The following CERKL variants were observed in gnomAD, a reference collection of about 807,000 sequenced individuals.
CERKL encodes the protein ceramide kinase-like protein.
A neutral mutation model predicts 63.4 loss-of-function variants in CERKL; 61 were observed. The ratio of observed to expected loss-of-function variants is 0.96; its 90% CI spans 0.78 to 1.19. CERKL has a LOEUF of 1.19. Ranked by LOEUF, CERKL falls within the 50% of genes most tolerant of loss-of-function variation. CERKL has a pLI of 0.00. For synonymous variants in CERKL, 250 were observed against 230.5 expected, an observed-to-expected ratio of 1.08 and a Z score of -0.77; for missense variants, 675 against 655.5, an observed-to-expected ratio of 1.03 and a Z score of -0.33.
Position 181,537,396 on chromosome 2 carries a change from C to A in CERKL, c.*788G>T, listed in dbSNP as rs1246182055. 9 of 453,838 alleles carry A rather than the reference C, an allele frequency of 2.0e-5. No homozygotes were observed. In the East Asian group the frequency reaches 6.2e-4, roughly 32 times the overall value. 28.1% of individuals were successfully genotyped at this position (453,838 alleles called of 1,614,324 possible). ...ATTACATATTGGGCTAGATTTTGCC[C>A]AGTTCAAAATAGTATTTGTTATCAA... On this transcript the variant is annotated 3_prime_UTR_variant, in exon 13 of 13. Transcript: ENST00000410087.
chr2:181,569,400 G>A (rs1688805079), intron 3 of CERKL, among the ~76,000 whole-genome samples: 2 of 152,146 alleles, frequency 1.3e-5, no homozygotes, highest in South Asian at 4.1e-4. Flanking sequence ...TTTCTGCTGG[G>A]TGAGATTTAG....
rs762710416 is a variant in CERKL, at chr2:181,573,773, C to T, written c.593G>A (p.Gly198Glu). The T allele has an allele frequency of 8.1e-6, 13 of 1,611,996 alleles. No homozygotes were observed. The Middle Eastern group carries it at 1.5e-3, about 185-fold the overall frequency. The change falls in exon 3 of 13, where the codon GGA (glycine) becomes GAA (glutamate). Residue 198 changes from glycine (G) to glutamate (E), a missense_variant. By Grantham distance (98) the Gly-to-Glu change is moderately conservative (BLOSUM62 -2). Coordinates refer to ENST00000410087, the MANE Select transcript of CERKL (RefSeq NM_201548.5). ...EKVEPLLKLA[G>E]IKTDVTIMEY... ...CTTACTTGTTACATCAGTTTTTATTCCTGCAAGCTTCAACAGAGGTTCAAC... is the reference window on the plus strand; with the variant it reads ...CTTACTTGTTACATCAGTTTTTATTTCTGCAAGCTTCAACAGAGGTTCAAC...
intron 2 of CERKL, among the ~76,000 whole-genome samples, chr2:181,579,931 T>G (rs1684427769): frequency 6.6e-6 from 1 of 151,908 alleles, no homozygotes. Context: ...CCATCTGAGA[T>G]CCACTGATCT....
At chr2:181,594,343 T>C (rs1396925448) in intron 2 of CERKL, among the ~76,000 whole-genome samples, 1 of 151,782 alleles carries the variant, frequency 6.6e-6, no homozygotes, top group African/African-American at 2.4e-5. Context: ...GCCAGGAACA[T>C]ATAAAAGAGT....
At chr2:181,578,221 T>C (rs35021522) in intron 2 of CERKL, among the ~76,000 whole-genome samples, 56,049 of 151,476 alleles carry the variant, frequency 0.37, 10,669 homozygotes, top group African/African-American at 0.44. Flanking sequence ...CACATATATA[T>C]ACACACACAC....
In CERKL at chr2:181,656,899, C is replaced by T. The variant is rs912235455; in HGVS notation, c.108G>A (p.Pro36=). The T allele has an allele frequency of 3.7e-6, 6 of 1,604,548 alleles. No homozygotes were observed. The East Asian group carries it at 1.1e-4, about 30-fold the overall frequency. ...GCTCGGCCGCCGCCTCCGTCTGCTGCGGGGACGTTAACAGCGCCGGAGGCA... is the reference window on the plus strand; with the variant it reads ...GCTCGGCCGCCGCCTCCGTCTGCTGTGGGGACGTTAACAGCGCCGGAGGCA... The part of the protein sequence containing the change: ...AAVPPALLTS[P]QQTEAAAERI... Residue 36 remains proline, a synonymous_variant, in exon 1 of 13, where the codon CCG becomes CCA. Transcript: ENST00000410087.
intron 1 of CERKL, among the ~76,000 whole-genome samples, chr2:181,622,093 A>C (rs2105918751): frequency 6.6e-6 from 1 of 152,336 alleles, no homozygotes; most frequent in Non-Finnish European, 1.5e-5. Flanking sequence ...TCTGGCTTCT[A>C]AATAGGTTCT....
At chr2:181,587,842 T>C (rs946916415) in intron 2 of CERKL, among the ~76,000 whole-genome samples, 11 of 152,228 alleles carry the variant, frequency 7.2e-5, no homozygotes, top group African/African-American at 2.2e-4. Context: ...AGTAATTAGG[T>C]GTGGCTTTTA....
At chr2:181,561,544 C>A (rs1316009778) in intron 4 of CERKL, among the ~76,000 whole-genome samples, 3 of 151,920 alleles carry the variant, frequency 2.0e-5, no homozygotes, top group African/African-American at 7.3e-5. Context: ...GTATTTTATC[C>A]CAAAATGTAT....
intron 1 of CERKL, among the ~76,000 whole-genome samples, chr2:181,627,549 G>C (rs1010489457): frequency 6.6e-6 from 1 of 152,164 alleles, no homozygotes; most frequent in Admixed American, 6.5e-5. Flanking sequence ...ACTTTTAGGT[G>C]TCCTAGTCAC....
At position 181,536,954 on chromosome 2, in the gene CERKL, A is replaced by C. The variant is rs2105779613; in HGVS notation, c.*1230T>G. The C allele has an allele frequency of 2.2e-6, 1 of 453,196 alleles. No individual in the cohort carries two copies. The highest frequency in any genetic ancestry group is 2.4e-5 in the Admixed American group (1 of 42,402). The allele number at this position is 453,196 out of a possible 1,614,324, so 28.1% of individuals were successfully genotyped here. On this transcript the variant is annotated 3_prime_UTR_variant, in exon 13 of 13. Transcript: ENST00000410087. Reference sequence around the variant, plus strand: ...GATTTCTTTATATGAAGTCCCTGCCACTAGCCAGCCATCCTAATTGATGAA... The same window carrying C: ...GATTTCTTTATATGAAGTCCCTGCCCCTAGCCAGCCATCCTAATTGATGAA...
intron 1 of CERKL, among the ~76,000 whole-genome samples, chr2:181,636,255 C>T (rs1394883343): frequency 2.6e-5 from 4 of 152,148 alleles, no homozygotes; most frequent in Non-Finnish European, 5.9e-5. Context: ...TATCCCACTG[C>T]CCAAGCTAGA....
At chr2:181,631,952 G>A (rs1686981060) in intron 1 of CERKL, among the ~76,000 whole-genome samples, 1 of 152,084 alleles carries the variant, frequency 6.6e-6, no homozygotes, top group Non-Finnish European at 1.5e-5. Context: ...TCTGAAAGAA[G>A]AAAATATATA....
At chr2:181,605,998 A>T (rs1194548258) in intron 1 of CERKL, among the ~76,000 whole-genome samples, 1 of 151,700 alleles carries the variant, frequency 6.6e-6, no homozygotes, top group African/African-American at 2.4e-5. Flanking sequence ...AAGTATACAT[A>T]CCACTAAAAA....
intron 1 of CERKL, among the ~76,000 whole-genome samples, chr2:181,655,178 G>C (rs1688105003): frequency 1.3e-5 from 1 of 77,606 alleles, no homozygotes; most frequent in Admixed American, 1.4e-4. Context: ...AATCTGTCAA[G>C]ATGTATTTTA....
At position 181,558,677 on chromosome 2, in the gene CERKL, T is replaced by C. The variant is rs1351921706; in HGVS notation, c.709A>G (p.Ser237Gly). Residue 237 changes from serine to glycine, a missense_variant, in exon 5 of 13, where the codon AGC (serine) becomes GGC (glycine). By Grantham distance (56) the Ser-to-Gly change is moderately conservative. Coordinates refer to ENST00000410087, the MANE Select transcript of CERKL (RefSeq NM_201548.5). This position sits in a 1 kb window ranked among gnomAD's most constrained non-coding sequence, Gnocchi z 4.2. ...AGAAGCAAAGCATGGGCTACTTCGC[T>C]AGCAGATCCATCTCCACCAACACAG... The part of the protein sequence containing the change: ...VVCVGGDGSA[S>G]EVAHALLLRA... 6.2e-7 allele frequency: 1 copy of C among 1,613,578 alleles called. No individual in the cohort carries two copies. Among genetic ancestry groups the C allele is most frequent in the Non-Finnish European group, 8.5e-7 (1 of 1,179,808 alleles).
chr2:181,568,318 TTATGTATACCTTCAAATA>T (rs1165629471), intron 3 of CERKL, among the ~76,000 whole-genome samples: 28 of 152,298 alleles, frequency 1.8e-4, no homozygotes, highest in African/African-American at 5.5e-4. Context: ...ACAGAATCCA[TTATGTATACCTTCAAATA>T]TATTCTCTCT....
chr2:181,633,503 G>A (rs2105487719), intron 1 of CERKL, among the ~76,000 whole-genome samples: 1 of 152,292 alleles, frequency 6.6e-6, no homozygotes, highest in East Asian at 1.9e-4. Flanking sequence ...AAATTGTATT[G>A]ATAGCATCCT....
chr2:181,547,922 T>C, intron 8 of CERKL, 75 bp from the exon 9 acceptor site: 2 of 1,117,586 alleles, frequency 1.8e-6, no homozygotes, highest in Non-Finnish European at 2.5e-6. Context: ...CACAAATCTA[T>C]TAAATATGAG....
Sources: allele counts gnomAD v4.1 joint callset (sites outside exome capture counted in the v4.1 genomes callset), GRCh38; gene constraint gnomAD v4.1.1; non-coding constraint Gnocchi (gnomAD v3.1); transcripts MANE v1.5; gene names NCBI Gene and HGNC (gene_info 2026-07-23, HGNC 2026-07-21).